Variants in GRM8 observed in about 807,000 individuals in gnomAD.
GRM8 encodes the protein glutamate metabotropic receptor 8.
In GRM8, 47 loss-of-function variants were observed where a neutral mutation model predicts 87.2. The ratio of observed to expected loss-of-function variants is 0.54; its 90% CI spans 0.43 to 0.69. GRM8 has a LOEUF of 0.69. GRM8 is among the 30% of genes least tolerant of loss of function. The probability of loss-of-function intolerance (pLI) is 0.00; values close to 1 mark genes in which losing one functional copy is unlikely to be tolerated. For missense variants in GRM8, 1,019 were observed against 1,139.2 expected, an observed-to-expected ratio of 0.89 and a Z score of 1.52; for synonymous variants, 396 against 404.5, an observed-to-expected ratio of 0.98 and a Z score of 0.25.
At chr7:126,617,841 AG>A (rs1206688102) in intron 7 of GRM8, among the ~76,000 whole-genome samples, 1 of 152,230 alleles carries the variant, frequency 6.6e-6, no homozygotes, top group Non-Finnish European at 1.5e-5. Flanking sequence ...GAACTCTTCA[AG>A]GAGAACTACA....
At chr7:126,624,182 T>C (rs1800450112) in intron 7 of GRM8, among the ~76,000 whole-genome samples, 1 of 152,234 alleles carries the variant, frequency 6.6e-6, no homozygotes, top group Non-Finnish European at 1.5e-5. Flanking sequence ...CTTCTTGATA[T>C]CCTTCAATGG....
chr7:127,067,896 A>C (rs903462796), intron 3 of GRM8, among the ~76,000 whole-genome samples: 2 of 152,184 alleles, frequency 1.3e-5, no homozygotes, highest in African/African-American at 4.8e-5. Context: ...TAAAACTTGA[A>C]TTTAAACAAA....
chr7:126,906,971 A>C (rs551748363), intron 3 of GRM8, among the ~76,000 whole-genome samples: 2 of 152,180 alleles, frequency 1.3e-5, no homozygotes, highest in Non-Finnish European at 2.9e-5. Flanking sequence ...CTGTGGACAC[A>C]ATGGTGAATA....
chr7:126,559,134 T>C (rs999389605), intron 8 of GRM8, among the ~76,000 whole-genome samples: 8 of 150,430 alleles, frequency 5.3e-5, no homozygotes, highest in East Asian at 2.0e-4. Flanking sequence ...AAGTGTCAGC[T>C]ACTGGTAATC....
At chr7:127,055,664 T>TAC (rs1458554922) in intron 3 of GRM8, among the ~76,000 whole-genome samples, 2 of 137,634 alleles carry the variant, frequency 1.5e-5, no homozygotes, top group South Asian at 2.2e-4. Context: ...CAAATATTTA[T>TAC]ATATACACAC....
At chr7:126,915,140 A>G (rs1372405197) in intron 3 of GRM8, among the ~76,000 whole-genome samples, 2 of 152,118 alleles carry the variant, frequency 1.3e-5, no homozygotes, top group East Asian at 3.9e-4. Flanking sequence ...GGAACAGAGG[A>G]GTGGGGTGAA....
intron 7 of GRM8, among the ~76,000 whole-genome samples, chr7:126,656,166 G>A (rs1012511057): frequency 1.3e-5 from 2 of 152,196 alleles, no homozygotes; most frequent in Admixed American, 6.5e-5. Context: ...GGCATTAAAT[G>A]CCAGAGTTCT....
intron 8 of GRM8, among the ~76,000 whole-genome samples, chr7:126,563,833 G>C (rs1478039326): frequency 6.6e-6 from 1 of 152,218 alleles, no homozygotes; most frequent in Non-Finnish European, 1.5e-5. Context: ...GTTTATTTTA[G>C]AACTTCCTGA....
intron 9 of GRM8, among the ~76,000 whole-genome samples, chr7:126,452,774 G>A (rs1210388835): frequency 1.3e-5 from 2 of 151,620 alleles, no homozygotes; most frequent in Non-Finnish European, 3.0e-5. Context: ...TTTCACTTTG[G>A]GAATAGGAGA....
intron 3 of GRM8, among the ~76,000 whole-genome samples, chr7:127,062,779 G>A (rs1284609480): frequency 6.6e-6 from 1 of 152,060 alleles, no homozygotes; most frequent in Non-Finnish European, 1.5e-5. Flanking sequence ...CTGCTTCTAG[G>A]TTTTGCAGTT....
intron 6 of GRM8, among the ~76,000 whole-genome samples, chr7:126,836,885 T>C (rs944496292): frequency 6.6e-6 from 1 of 152,174 alleles, no homozygotes; most frequent in Non-Finnish European, 1.5e-5. Context: ...ACAAATAATA[T>C]TAAATTAATG....
At chr7:127,233,948 G>C (rs1797841634) in intron 2 of GRM8, among the ~76,000 whole-genome samples, 1 of 152,000 alleles carries the variant, frequency 6.6e-6, no homozygotes, top group Non-Finnish European at 1.5e-5. Flanking sequence ...CGCAGGTTGT[G>C]AGGACAGTGT....
At chr7:126,663,683 T>C (rs1428460469) in intron 7 of GRM8, among the ~76,000 whole-genome samples, 1 of 152,080 alleles carries the variant, frequency 6.6e-6, no homozygotes, top group Non-Finnish European at 1.5e-5. Flanking sequence ...ACAGCCAACA[T>C]CATACTGAAC....
chr7:126,452,557 GA>G (rs915639165), intron 9 of GRM8, among the ~76,000 whole-genome samples: 224 of 141,784 alleles, frequency 1.6e-3, no homozygotes, highest in African/African-American at 4.1e-3. Context: ...TTCCAAGAAG[GA>G]AAAAAAAAAA....
intron 8 of GRM8, among the ~76,000 whole-genome samples, chr7:126,553,518 G>A (rs1203309122): frequency 6.6e-6 from 1 of 152,138 alleles, no homozygotes; most frequent in Non-Finnish European, 1.5e-5. Flanking sequence ...TCTGAAAGGT[G>A]AATTCGTCAC....
chr7:126,831,551 G>A (rs1003701254), intron 6 of GRM8, among the ~76,000 whole-genome samples: 1 of 152,212 alleles, frequency 6.6e-6, no homozygotes, highest in Non-Finnish European at 1.5e-5. Context: ...AAGCCCATCG[G>A]AAAAGTCCAG....
intron 8 of GRM8, among the ~76,000 whole-genome samples, chr7:126,558,188 A>G (rs914636562): frequency 6.6e-6 from 1 of 152,210 alleles, no homozygotes; most frequent in Non-Finnish European, 1.5e-5. Context: ...CAGAGAGTTA[A>G]GTACATGTAA....
At chr7:127,172,759 G>T (rs1212703195) in intron 2 of GRM8, among the ~76,000 whole-genome samples, 1 of 151,318 alleles carries the variant, frequency 6.6e-6, no homozygotes, top group Admixed American at 6.6e-5. Flanking sequence ...CCATTATTAT[G>T]CATATTATAT....
intron 3 of GRM8, among the ~76,000 whole-genome samples, chr7:126,958,069 A>AG (rs1374031164): frequency 6.6e-6 from 1 of 152,168 alleles, no homozygotes; most frequent in Admixed American, 6.5e-5. Flanking sequence ...CTCGGGTCTC[A>AG]GGGGTCTCCT....
Sources: allele counts gnomAD v4.1 joint callset (sites outside exome capture counted in the v4.1 genomes callset), GRCh38; gene constraint gnomAD v4.1.1; transcripts MANE v1.5; gene names NCBI Gene and HGNC (gene_info 2026-07-23, HGNC 2026-07-21).